DNAH11: variants seen among roughly 807,000 people sequenced by gnomAD.
DNAH11 encodes the protein axonemal beta dynein heavy chain 11.
DNAH11 carries 442 observed loss-of-function variants against 526.0 expected under a neutral mutation model. The ratio of observed to expected loss-of-function variants is 0.84; its 90% confidence interval spans 0.78 to 0.91. The LOEUF (loss-of-function observed/expected upper bound fraction) is 0.91. Ranked by LOEUF, DNAH11 falls within the 40% of genes least tolerant of loss-of-function variation. DNAH11 has a pLI of 0.00. For synonymous variants in DNAH11, 2,461 were observed against 1,935.9 expected, an observed-to-expected ratio of 1.27 and a Z score of -7.12; for missense variants, 6,989 against 5,448.7, an observed-to-expected ratio of 1.28 and a Z score of -8.90.
At chr7:21,620,251 A>G (rs901171675) in intron 25 of DNAH11, among the ~76,000 whole-genome samples, 173 bp downstream of exon 25, 4 of 152,144 alleles carry the variant, frequency 2.6e-5, no homozygotes, top group African/African-American at 4.8e-5. Context: ...AATCACTTAA[A>G]ATCTCCTTTA....
intron 1 of DNAH11, among the ~76,000 whole-genome samples, chr7:21,544,595 A>G (rs1782737219): frequency 6.6e-6 from 1 of 152,228 alleles, no homozygotes; most frequent in Non-Finnish European, 1.5e-5. Flanking sequence ...TAGAAATACA[A>G]ATTAACCTCT....
At chr7:21,649,672 T>TC (rs1270807527) in intron 28 of DNAH11, among the ~76,000 whole-genome samples, 6 of 151,516 alleles carry the variant, frequency 4.0e-5, no homozygotes, top group African/African-American at 1.2e-4. Context: ...TTTTTTTTTT[T>TC]CTGTAGATGG....
At chr7:21,899,240 C>T in intron 79 of DNAH11, 96 bp from the exon 80 acceptor site, 2 of 926,406 alleles carry the variant, frequency 2.2e-6, no homozygotes, top group Non-Finnish European at 3.6e-6. Context: ...ACTTCTCCTC[C>T]ACCACCACCC....
chr7:21,653,250 G>A (rs1363352997), intron 28 of DNAH11, among the ~76,000 whole-genome samples: 1 of 152,106 alleles, frequency 6.6e-6, no homozygotes, highest in Non-Finnish European at 1.5e-5. Flanking sequence ...TTTAATTTTG[G>A]GTTAACAAAT....
At chr7:21,611,001 A>C (rs192117169) in intron 20 of DNAH11, among the ~76,000 whole-genome samples, 273 of 152,286 alleles carry the variant, frequency 1.8e-3, no homozygotes, top group Admixed American at 2.7e-3. Context: ...ACCTGACTAG[A>C]TTAAGGGATA....
chr7:21,891,770 C>G (rs771694589), intron 76 of DNAH11, among the ~76,000 whole-genome samples: 9 of 152,142 alleles, frequency 5.9e-5, no homozygotes, highest in African/African-American at 2.2e-4. Context: ...AAACAACAGA[C>G]TTTGCTGTGA....
chr7:21,834,880 A>G (rs1781935227), intron 65 of DNAH11, among the ~76,000 whole-genome samples: 1 of 152,128 alleles, frequency 6.6e-6, no homozygotes, highest in Admixed American at 6.6e-5. Context: ...AACACAAACA[A>G]GATCAGCAAA....
At chr7:21,815,085 GATTGGT>G (rs960277757) in intron 63 of DNAH11, among the ~76,000 whole-genome samples, 2 of 152,124 alleles carry the variant, frequency 1.3e-5, no homozygotes, top group Admixed American at 6.5e-5. Context: ...AAAAGGGGGA[GATTGGT>G]ATTCTGTTTG....
intron 62 of DNAH11, among the ~76,000 whole-genome samples, chr7:21,807,226 C>T (rs535963443): frequency 1.5e-4 from 23 of 152,142 alleles, no homozygotes; most frequent in South Asian, 2.1e-4. Flanking sequence ...AGGCCAGGTG[C>T]GGTGGCTCAC....
intron 21 of DNAH11, 76 bp from the exon 22 acceptor site, chr7:21,616,133 C>G (rs1056310615): frequency 1.8e-5 from 19 of 1,040,526 alleles, no homozygotes; most frequent in Non-Finnish European, 2.7e-5. Context: ...AGTGTATCAT[C>G]AGTTTATATA....
intron 47 of DNAH11, 127 bp downstream of exon 47, chr7:21,738,993 A>G (rs546643207): frequency 1.1e-6 from 1 of 934,306 alleles, no homozygotes; most frequent in African/African-American, 1.7e-5. Flanking sequence ...ATTCAAGTGC[A>G]ATTATCCCCA....
rs772333047 is a variant in DNAH11, at chr7:21,543,378, G to A, written c.133G>A (p.Ala45Thr). Residue 45 changes from alanine to threonine, a missense_variant, in exon 1 of 82, where the codon GCG becomes ACG. Transcript: ENST00000409508. ...GGAGGAGGAGGAGAACGAGGAGGAG[G>A]CGGCGGCCAGGAGAGCGCGGAGTTT... ...LEEEEENEEE[A>T]AARRARSFAQ... 1.0e-4 allele frequency: 159 copies of A among 1,551,540 alleles called. No homozygotes were observed. Among genetic ancestry groups the A allele is most frequent in the African/African-American group, 1.4e-4 (10 of 73,212 alleles).
chr7:21,743,236 T>G (rs1785996412), intron 49 of DNAH11, among the ~76,000 whole-genome samples: 1 of 152,236 alleles, frequency 6.6e-6, no homozygotes. Flanking sequence ...GAGTGCCAAG[T>G]AAGAAGGATA....
chr7:21,774,965 G>C (rs747082149), intron 56 of DNAH11, among the ~76,000 whole-genome samples: 1 of 152,164 alleles, frequency 6.6e-6, no homozygotes, highest in Non-Finnish European at 1.5e-5. Context: ...TGGTTTCCCC[G>C]AGTGGCCTGG....
chr7:21,692,341 T>C (rs1460300590), intron 35 of DNAH11, among the ~76,000 whole-genome samples: 2 of 152,214 alleles, frequency 1.3e-5, no homozygotes, highest in African/African-American at 2.4e-5. Context: ...CTCTTTGAAG[T>C]GAGCCTCCCA....
intron 30 of DNAH11, among the ~76,000 whole-genome samples, chr7:21,674,348 G>A (rs1387142405): frequency 1.3e-5 from 2 of 151,860 alleles, no homozygotes; most frequent in Non-Finnish European, 2.9e-5. Flanking sequence ...GAGCCACTGC[G>A]CCTGGTCTGT....
At chr7:21,685,862 G>T (rs528890545) in intron 32 of DNAH11, among the ~76,000 whole-genome samples, 2 of 152,296 alleles carry the variant, frequency 1.3e-5, no homozygotes, top group East Asian at 3.9e-4. Flanking sequence ...AGTGTTGTAG[G>T]AATGGCACTC....
intron 20 of DNAH11, among the ~76,000 whole-genome samples, chr7:21,613,146 G>A (rs1207656350): frequency 2.6e-5 from 4 of 151,578 alleles, no homozygotes; most frequent in Non-Finnish European, 5.9e-5. Context: ...GTAGTACTAT[G>A]CAGTAGGGGA....
At chr7:21,864,745 C>G in intron 70 of DNAH11, 88 bp downstream of exon 70, 1 of 1,312,170 alleles carries the variant, frequency 7.6e-7, no homozygotes, top group Non-Finnish European at 1.0e-6. Flanking sequence ...TTAAAGAATA[C>G]AGGTGATGTA....
Sources: gnomAD v4.1 joint callset for allele counts (sites outside exome capture counted in the v4.1 genomes callset) on GRCh38, gnomAD v4.1.1 for gene constraint, MANE v1.5 for transcripts, NCBI Gene and HGNC (gene_info 2026-07-23, HGNC 2026-07-21) for gene names.